Variants in DYNC1I1 observed in about 807,000 individuals in gnomAD.
DYNC1I1 encodes the protein cytoplasmic dynein 1 intermediate chain 1.
A neutral mutation model predicts 86.6 loss-of-function variants in DYNC1I1; 43 were observed. The observed-to-expected ratio is 0.50, with a 90% CI of 0.39 to 0.64. The LOEUF (loss-of-function observed/expected upper bound fraction) is 0.64, where lower values mean the gene tolerates loss of function less well. Ranked by LOEUF, DYNC1I1 falls within the 30% of genes least tolerant of loss-of-function variation. DYNC1I1 has a pLI of 0.00. For synonymous variants in DYNC1I1, 262 were observed against 283.7 expected (o/e 0.92, Z 0.77); for missense variants, 604 against 788.8 (o/e 0.77, Z 2.81).
At chr7:96,018,317 T>G (rs373397581) in intron 10 of DYNC1I1, among the ~76,000 whole-genome samples, 29 of 152,244 alleles carry the variant, frequency 1.9e-4, no homozygotes, top group African/African-American at 5.8e-4. Context: ...GGTGTCAAAG[T>G]CAGCCAAGCT....
At chr7:95,989,907 G>A (rs1250108088) in intron 9 of DYNC1I1, among the ~76,000 whole-genome samples, 1 of 152,146 alleles carries the variant, frequency 6.6e-6, no homozygotes, top group African/African-American at 2.4e-5. Flanking sequence ...ATGGGATAAA[G>A]AGACTTTTTG....
At chr7:95,974,772 G>A (rs1390121099) in intron 6 of DYNC1I1, among the ~76,000 whole-genome samples, 4 of 152,186 alleles carry the variant, frequency 2.6e-5, no homozygotes, top group East Asian at 3.8e-4. Flanking sequence ...TCTCAAGGGT[G>A]AGAAGCATAC....
At chr7:95,990,399 T>C (rs1210156920) in intron 9 of DYNC1I1, among the ~76,000 whole-genome samples, 2 of 152,162 alleles carry the variant, frequency 1.3e-5, no homozygotes, top group South Asian at 2.1e-4. Flanking sequence ...AGTTAGTTGC[T>C]AAATCCAATC....
intron 6 of DYNC1I1, among the ~76,000 whole-genome samples, chr7:95,927,614 GGA>G (rs1470592933): frequency 6.6e-6 from 1 of 152,120 alleles, no homozygotes; most frequent in African/African-American, 2.4e-5. Flanking sequence ...TGGGGATGGG[GGA>G]GAGAGTGAGA....
Position 96,080,857 on chromosome 7 carries a change from G to A in DYNC1I1, c.1776+369G>A, listed in dbSNP as rs148540491. Among the ~76,000 whole-genome samples the A allele has an allele frequency of 8.4e-3, 1,274 of 152,146 alleles. 13 individuals are homozygous for A. The highest frequency in any genetic ancestry group is 0.03 in the African/African-American group (1,227 of 41,468). ...GAGGCCGTGGCAGGTGGATCACGAG[G>A]TCAGGAGTTCGAGACCAGGCTGGCC... On this transcript the variant is annotated intron_variant, in intron 16 of 16. Transcript: ENST00000447467.
intron 6 of DYNC1I1, among the ~76,000 whole-genome samples, chr7:95,898,583 T>C (rs976367545): frequency 1.3e-5 from 2 of 152,174 alleles, no homozygotes; most frequent in African/African-American, 4.8e-5. Context: ...GGTAAAATAG[T>C]AGGCAGTGGA....
chr7:95,835,365 A>G (rs942323599), intron 5 of DYNC1I1, among the ~76,000 whole-genome samples: 3 of 141,932 alleles, frequency 2.1e-5, no homozygotes, highest in Non-Finnish European at 3.0e-5. Flanking sequence ...GTTCTTTTAC[A>G]TTTGCTGAGG....
intron 6 of DYNC1I1, among the ~76,000 whole-genome samples, chr7:95,874,833 G>A (rs1286181508): frequency 2.0e-5 from 3 of 152,180 alleles, no homozygotes. Flanking sequence ...AATTGTCCTT[G>A]TTTAAGCCAC....
intron 10 of DYNC1I1, among the ~76,000 whole-genome samples, chr7:96,009,672 C>G (rs1244955360): frequency 6.6e-6 from 1 of 152,150 alleles, no homozygotes; most frequent in African/African-American, 2.4e-5. Context: ...ATCTGCTATT[C>G]ATGCCTTCTA....
chr7:96,071,682 T>A (rs1388521665), intron 14 of DYNC1I1, among the ~76,000 whole-genome samples: 4 of 152,208 alleles, frequency 2.6e-5, no homozygotes, highest in Non-Finnish European at 5.9e-5. Context: ...AGAAAAAGAT[T>A]CCTGTTCATC....
intron 10 of DYNC1I1, among the ~76,000 whole-genome samples, chr7:96,005,356 C>T (rs1386341918): frequency 6.6e-6 from 1 of 152,140 alleles, no homozygotes; most frequent in African/African-American, 2.4e-5. Flanking sequence ...GCTTTCCCTC[C>T]TAGACACTTT....
At chr7:96,050,041 A>AAAC (rs1554439366) in intron 14 of DYNC1I1, among the ~76,000 whole-genome samples, 25 of 151,946 alleles carry the variant, frequency 1.6e-4, no homozygotes, top group African/African-American at 5.3e-4. Flanking sequence ...AAACAAACAA[A>AAAC]AAAAAAAACA....
At chr7:95,970,938 G>GA (rs1212069513) in intron 6 of DYNC1I1, among the ~76,000 whole-genome samples, 2 of 132,734 alleles carry the variant, frequency 1.5e-5, no homozygotes, top group East Asian at 2.3e-4. Context: ...GTAAAGACAG[G>GA]CAGATTCAAG....
chr7:96,103,813 C>T (rs550739534), intron 16 of DYNC1I1, among the ~76,000 whole-genome samples: 8 of 152,216 alleles, frequency 5.3e-5, no homozygotes, highest in East Asian at 3.9e-4. Flanking sequence ...GGGGTTTTAC[C>T]GTGTTAGCAA....
intron 6 of DYNC1I1, among the ~76,000 whole-genome samples, chr7:95,969,276 G>A (rs919133396): frequency 4.6e-5 from 7 of 152,180 alleles, no homozygotes; most frequent in Non-Finnish European, 8.8e-5. Flanking sequence ...GGAAGATGGT[G>A]GAGGGGTGGG....
intron 6 of DYNC1I1, among the ~76,000 whole-genome samples, chr7:95,967,761 A>G (rs1306789308): frequency 6.6e-6 from 1 of 152,192 alleles, no homozygotes; most frequent in Non-Finnish European, 1.5e-5. Flanking sequence ...TACCCAGCAC[A>G]TAGTAGGTGC....
intron 7 of DYNC1I1, among the ~76,000 whole-genome samples, chr7:95,978,344 C>T (rs1188308530): frequency 6.6e-6 from 1 of 152,124 alleles, no homozygotes; most frequent in Non-Finnish European, 1.5e-5. Flanking sequence ...CATAATAGCA[C>T]TGTGCCTGTA....
rs561828863 is a variant in DYNC1I1 at position 96,062,368 on chromosome 7, G to A, written c.1510-13689G>A. ...GCTAATGACCTCTGGTTTTGCTTATGGGGAGTTTTGTTAACAAATGGAAAT... is the reference window on the plus strand; with the variant it reads ...GCTAATGACCTCTGGTTTTGCTTATAGGGAGTTTTGTTAACAAATGGAAAT... On this transcript the variant is annotated intron_variant, in intron 14 of 16. Transcript: ENST00000447467. Among the ~76,000 whole-genome samples, 3 of 152,086 alleles carry A rather than the reference G, an allele frequency of 2.0e-5. No individual in the cohort carries two copies. The East Asian group carries it at 5.8e-4, about 29-fold the overall frequency.
chr7:96,064,210 A>ATATC (rs1554441503), intron 14 of DYNC1I1, among the ~76,000 whole-genome samples: 1 of 140,930 alleles, frequency 7.1e-6, no homozygotes, highest in African/African-American at 2.6e-5. Flanking sequence ...AAATATTCAT[A>ATATC]TCTCTCTCTC....
Sources: gnomAD v4.1 joint callset for allele counts (sites outside exome capture counted in the v4.1 genomes callset) on GRCh38, gnomAD v4.1.1 for gene constraint, MANE v1.5 for transcripts, NCBI Gene and HGNC (gene_info 2026-07-23, HGNC 2026-07-21) for gene names.